NDUFAF4: variants seen among roughly 807,000 people sequenced by gnomAD.
The protein encoded by NDUFAF4 is NADH dehydrogenase [ubiquinone] 1 alpha subcomplex assembly factor 4.
A neutral mutation model predicts 15.6 loss-of-function variants in NDUFAF4; 10 were observed. That is an observed-to-expected ratio of 0.64 (90% CI 0.40 to 1.09). The LOEUF is 1.09. Ranked by LOEUF, NDUFAF4 falls within the 50% of genes least tolerant of loss-of-function variation. The pLI, the probability that NDUFAF4 is intolerant of heterozygous loss-of-function variation, is 0.01. For synonymous variants in NDUFAF4, 77 were observed against 73.3 expected, an observed-to-expected ratio of 1.05 and a Z score of -0.26; for missense variants, 203 against 207.3, an observed-to-expected ratio of 0.98 and a Z score of 0.13.
chr6:96,893,726 T>C (rs1775340613), intron 2 of NDUFAF4, among the ~76,000 whole-genome samples: 1 of 148,500 alleles, frequency 6.7e-6, no homozygotes, highest in Non-Finnish European at 1.5e-5. Context: ...TCCTCTCGAC[T>C]GAAAAAAAAA....
At chr6:96,893,343 C>A (rs183339297) in intron 2 of NDUFAF4, among the ~76,000 whole-genome samples, 174 of 152,290 alleles carry the variant, frequency 1.1e-3, no homozygotes, top group African/African-American at 3.9e-3. Context: ...TCTTTAATGA[C>A]TTCCCATTGT....
intron 1 of NDUFAF4, 91 bp from the exon 2 acceptor site, chr6:96,896,938 CTTTTT>C (rs1003704810): frequency 2.0e-6 from 2 of 995,542 alleles, no homozygotes; most frequent in African/African-American, 3.2e-5. Context: ...CTTTTATTTT[CTTTTT>C]TGAGTCGGAG....
In NDUFAF4 at chr6:96,891,274, A is replaced by G. The variant is rs771826248; in HGVS notation, c.358T>C (p.Leu120=). ...AGCTTATGATTATTGAGAAGTGTCA[A>G]TGCTTCTACAATGGAAATTTTGCCT... is the stretch of plus-strand genomic sequence containing the variant. ...PKGKISIVEA[L]TLLNNHKLFP... is the part of the protein sequence containing the mutation. The change falls in exon 3 of 3, where the codon TTG becomes CTG. Residue 120 remains leucine, a synonymous_variant. Transcript: ENST00000316149. 18 of 1,613,846 alleles carry G rather than the reference A, an allele frequency of 1.1e-5. 1 individual carries two copies. The Middle Eastern group carries it at 5.0e-4, about 44-fold the overall frequency.
intron 2 of NDUFAF4, among the ~76,000 whole-genome samples, chr6:96,895,048 T>C (rs964345757): frequency 1.8e-4 from 28 of 152,220 alleles, no homozygotes; most frequent in South Asian, 6.2e-4. Context: ...CCCATATGTG[T>C]ATCTAGAGAT....
chr6:96,895,362 A>T (rs1482162450), intron 2 of NDUFAF4, among the ~76,000 whole-genome samples: 1 of 152,202 alleles, frequency 6.6e-6, no homozygotes, highest in African/African-American at 2.4e-5. Context: ...TATTTGCCAT[A>T]TGAAAGGCAC....
chr6:96,889,578 C>A lies in NDUFAF4; in HGVS notation c.*1526G>T, dbSNP rs1372262073. 6.6e-6 allele frequency: 1 copy of A among 152,472 alleles called. No individual in the cohort carries two copies. The highest frequency in any genetic ancestry group is 2.4e-5 in the African/African-American group (1 of 41,418). The allele number at this position is 152,472 out of a possible 1,614,324, so 9.4% of individuals were successfully genotyped here. On this transcript the variant is annotated 3_prime_UTR_variant, in exon 3 of 3. Transcript: ENST00000316149. The stretch of plus-strand genomic sequence containing the variant: ...TAAACTAGGTAGTTTGTTCACATAA[C>A]AAATCTACATTCAAAGTCATGCTTA...
Position 96,897,835 on chromosome 6 carries a change from G to T in NDUFAF4, c.-34C>A. 1.2e-6 allele frequency: 2 copies of T among 1,613,624 alleles called. No homozygotes were observed. The highest frequency in any genetic ancestry group is 1.7e-6 in the Non-Finnish European group (2 of 1,179,742). On this transcript the variant is annotated 5_prime_UTR_variant, in exon 1 of 3. Coordinates refer to ENST00000316149, the MANE Select transcript of NDUFAF4 (RefSeq NM_014165.4). Reference sequence around the variant, plus strand: ...AACATTATGCGCTCAGGTTCAGGCCGCACGTGGGAACACCGGCGCAGGACA... The same window carrying T: ...AACATTATGCGCTCAGGTTCAGGCCTCACGTGGGAACACCGGCGCAGGACA...
Position 96,897,819 on chromosome 6 carries a change from C to T in NDUFAF4, c.-18G>A. ...GCTCCCATCTCCTCATAACATTATG[C>T]GCTCAGGTTCAGGCCGCACGTGGGA... On this transcript the variant is annotated 5_prime_UTR_variant, in exon 1 of 3. Coordinates refer to ENST00000316149, the MANE Select transcript of NDUFAF4 (RefSeq NM_014165.4). 1 of 1,614,028 alleles carries T rather than the reference C, an allele frequency of 6.2e-7. No homozygotes were observed. Among genetic ancestry groups the T allele is most frequent in the Non-Finnish European group, 8.5e-7 (1 of 1,179,918 alleles).
At chr6:96,897,524 C>T in intron 1 of NDUFAF4, 142 bp downstream of exon 1, 1 of 1,268,802 alleles carries the variant, frequency 7.9e-7, no homozygotes, top group Non-Finnish European at 1.1e-6. Context: ...GGCGGCTCCC[C>T]CTTCCAACGC....
At chr6:96,892,990 A>G (rs1483351718) in intron 2 of NDUFAF4, among the ~76,000 whole-genome samples, 1 of 152,152 alleles carries the variant, frequency 6.6e-6, no homozygotes, top group Non-Finnish European at 1.5e-5. Flanking sequence ...CCTCAAATTC[A>G]ATATTATCTG....
In NDUFAF4 at chr6:96,896,817, C is replaced by T. The variant is rs142963790; in HGVS notation, c.167G>A (p.Arg56His). 1 of 1,613,770 alleles carries T rather than the reference C, an allele frequency of 6.2e-7. No homozygotes were observed. The highest frequency in any genetic ancestry group is 2.2e-5 in the East Asian group (1 of 44,872). ...AAACGACAGCAGCTTTTCATCTTTACGAGCAATCTCTCCTTTAACTTCTGG... is the reference window on the plus strand; with the variant it reads ...AAACGACAGCAGCTTTTCATCTTTATGAGCAATCTCTCCTTTAACTTCTGG... ...LYPEVKGEIARKDEKLLSFLK... is the reference protein window; with the variant it reads ...LYPEVKGEIAHKDEKLLSFLK... Residue 56 changes from arginine to histidine, a missense_variant, in exon 2 of 3, where the codon CGT (arginine) becomes CAT (histidine). By Grantham distance (29) the Arg-to-His change is conservative. Transcript: ENST00000316149.
At chr6:96,893,189 C>G (rs924699367) in intron 2 of NDUFAF4, among the ~76,000 whole-genome samples, 9 of 152,162 alleles carry the variant, frequency 5.9e-5, no homozygotes, top group Non-Finnish European at 1.3e-4. Flanking sequence ...CTCCCCCATA[C>G]TACTAAATCA....
rs959712975 is a variant in NDUFAF4 at position 96,892,247 on chromosome 6, C to T, written c.241-856G>A. ...TCTTTCTCCCGAGAAAATAAACTAACGCCTCCAATACACTCCAGTATAAAT... is the reference window on the plus strand; with the variant it reads ...TCTTTCTCCCGAGAAAATAAACTAATGCCTCCAATACACTCCAGTATAAAT... On this transcript the variant is annotated intron_variant, in intron 2 of 2. Transcript: ENST00000316149. Among the ~76,000 whole-genome samples, 21 of 152,114 alleles carry T rather than the reference C, an allele frequency of 1.4e-4. No homozygotes were observed. In the East Asian group the frequency reaches 2.9e-3, roughly 21 times the overall value.
chr6:96,897,517 G>C (rs7772053), intron 1 of NDUFAF4, 149 bp downstream of exon 1: 3 of 1,173,982 alleles, frequency 2.6e-6, no homozygotes, highest in South Asian at 1.4e-5. Flanking sequence ...CCGGCCTGGC[G>C]GCTCCCCCTT....
At chr6:96,897,243 T>A (rs116113867) in intron 1 of NDUFAF4, among the ~76,000 whole-genome samples, 1,760 of 152,180 alleles carry the variant, frequency 0.012, 27 homozygotes, top group African/African-American at 0.04. Flanking sequence ...TTAATTTTTT[T>A]AAAAAATAAA....
chr6:96,894,698 A>G lies in NDUFAF4; in HGVS notation c.240+2046T>C, dbSNP rs184920653. On this transcript the variant is annotated intron_variant, in intron 2 of 2. Transcript: ENST00000316149. ...GAAGACTACTGTAGCAGCAATAAAC[A>G]GTTTAAATTTAAAGTGAAAAAAGCT... 3.5e-4 allele frequency among the ~76,000 whole-genome samples: 54 copies of G among 152,334 alleles called. 1 individual carries two copies. The highest frequency in any genetic ancestry group is 1.1e-3 in the African/African-American group (45 of 41,578).
intron 2 of NDUFAF4, among the ~76,000 whole-genome samples, chr6:96,894,742 T>A (rs1775351521): frequency 6.6e-6 from 1 of 152,210 alleles, no homozygotes. Context: ...AGTAACAACG[T>A]TCCCTTTACC....
intron 1 of NDUFAF4, 46 bp downstream of exon 1, chr6:96,897,620 A>G (rs1775403393): frequency 2.5e-6 from 4 of 1,611,002 alleles, no homozygotes; most frequent in Non-Finnish European, 2.5e-6. Context: ...CGGGCAGCAC[A>G]GGGACTCCGC....
chr6:96,890,947 A>C lies in NDUFAF4; in HGVS notation c.*157T>G, dbSNP rs1775306936. 4 of 679,530 alleles carry C rather than the reference A, an allele frequency of 5.9e-6. No individual in the cohort carries two copies. The South Asian group carries it at 7.8e-5, about 13-fold the overall frequency. The allele number at this position is 679,530 out of a possible 1,614,324, so 42.1% of individuals were successfully genotyped here. A position where few individuals can be genotyped will look rare whatever the true frequency, so the allele number is the denominator to read the frequency against. ...ATAAAACAAAAGATATTCTATGGCA[A>C]TCTTGAAAAGTCAGGGAGCTCAATA... On this transcript the variant is annotated 3_prime_UTR_variant, in exon 3 of 3. Transcript: ENST00000316149.
Sources: allele counts gnomAD v4.1 joint callset (sites outside exome capture counted in the v4.1 genomes callset), GRCh38; gene constraint gnomAD v4.1.1; transcripts MANE v1.5; gene names NCBI Gene and HGNC (gene_info 2026-07-23, HGNC 2026-07-21).